ATP9A: variants seen among roughly 807,000 people sequenced by gnomAD.
The protein encoded by ATP9A is ATPase phospholipid transporting 9A.
A neutral mutation model predicts 144.1 loss-of-function variants in ATP9A; 52 were observed. The observed-to-expected ratio is 0.36, with a 90% CI of 0.29 to 0.45. The LOEUF (loss-of-function observed/expected upper bound fraction) is 0.45. Ranked by LOEUF, ATP9A falls within the 20% of genes least tolerant of loss-of-function variation. ATP9A has a pLI of 1.00. For missense variants in ATP9A, 947 were observed against 1,392.7 expected (o/e 0.68, Z 5.09); for synonymous variants, 582 against 557.4 (o/e 1.04, Z -0.62).
chr20:51,718,814 C>CAAAAAAAA lies in ATP9A; in HGVS notation c.328-5748_328-5741dup, dbSNP rs71192550. Among the ~76,000 whole-genome samples, 235 of 57,684 alleles carry CAAAAAAAA rather than the reference C, an allele frequency of 4.1e-3. 10 individuals are homozygous for CAAAAAAAA. Among genetic ancestry groups the CAAAAAAAA allele is most frequent in the African/African-American group, 5.1e-3 (57 of 11,238 alleles). 37.8% of individuals were successfully genotyped at this position (57,684 alleles called of 152,430 possible). ...TGGGCAACAGAGCAAGACTCCATCT[C>CAAAAAAAA]AAAAAAAAAAAAAAAAAAAAAAAAA... On this transcript the variant is annotated intron_variant, in intron 3 of 27. Coordinates refer to ENST00000338821, the MANE Select transcript of ATP9A (RefSeq NM_006045.3).
intron 1 of ATP9A, among the ~76,000 whole-genome samples, chr20:51,752,032 T>C (rs539864697): frequency 1.8e-4 from 26 of 144,786 alleles, no homozygotes; most frequent in Non-Finnish European, 3.1e-4. Context: ...ATTTTGTAGG[T>C]GGGCAAGGTA....
intron 4 of ATP9A, among the ~76,000 whole-genome samples, chr20:51,702,302 A>G (rs2077596908): frequency 6.6e-6 from 1 of 151,528 alleles, no homozygotes; most frequent in South Asian, 2.1e-4. Context: ...AAAAAAAAAA[A>G]AAAAAAAATT....
At chr20:51,666,781 G>A (rs1057435904) in intron 13 of ATP9A, among the ~76,000 whole-genome samples, 1 of 152,088 alleles carries the variant, frequency 6.6e-6, no homozygotes, top group African/African-American at 2.4e-5. Flanking sequence ...AGTGGGAGCA[G>A]GGGTGATGTG....
At chr20:51,738,513 T>C (rs2077771936) in intron 1 of ATP9A, among the ~76,000 whole-genome samples, 5 of 148,802 alleles carry the variant, frequency 3.4e-5, no homozygotes, top group Admixed American at 3.3e-4. Flanking sequence ...CGACCAGCCT[T>C]GCCAACGTGG....
chr20:51,668,999 A>G (rs1409159247), intron 13 of ATP9A, among the ~76,000 whole-genome samples: 1 of 152,184 alleles, frequency 6.6e-6, no homozygotes, highest in Non-Finnish European at 1.5e-5. Context: ...TCTTCTGACT[A>G]TGGGAATGTT....
chr20:51,739,737 T>C (rs1001017401), intron 1 of ATP9A, among the ~76,000 whole-genome samples: 6 of 152,186 alleles, frequency 3.9e-5, no homozygotes, highest in African/African-American at 1.4e-4. Flanking sequence ...CTGGATGTTC[T>C]GGACATGGTG....
chr20:51,767,917 G>T (rs2077912442), intron 1 of ATP9A, among the ~76,000 whole-genome samples: 1 of 152,184 alleles, frequency 6.6e-6, no homozygotes, highest in South Asian at 2.1e-4. Flanking sequence ...GTGTGACACT[G>T]ACCAAATTGT....
intron 16 of ATP9A, 78 bp from the exon 17 acceptor site, chr20:51,627,761 G>A: frequency 8.5e-7 from 1 of 1,177,284 alleles, no homozygotes; most frequent in South Asian, 1.3e-5. Context: ...GTGCCCAAGT[G>A]GATGTGCCCC....
chr20:51,646,161 A>T (rs1220754000), intron 14 of ATP9A, among the ~76,000 whole-genome samples: 8 of 152,176 alleles, frequency 5.3e-5, no homozygotes. Context: ...CATGTGAGGG[A>T]CTCAGGCCAG....
chr20:51,688,730 G>A (rs4809863), intron 9 of ATP9A, among the ~76,000 whole-genome samples: 29,903 of 151,982 alleles, frequency 0.2, 3,219 homozygotes, highest in African/African-American at 0.28. Flanking sequence ...GTCCCAGCGC[G>A]ACATACCCTA....
At chr20:51,655,369 C>T (rs749138987) in intron 14 of ATP9A, among the ~76,000 whole-genome samples, 10 of 152,156 alleles carry the variant, frequency 6.6e-5, no homozygotes, top group African/African-American at 9.7e-5. Context: ...CCGGGAAGAT[C>T]GTGCCACTGC....
chr20:51,710,291 G>A (rs1026096533), intron 4 of ATP9A, among the ~76,000 whole-genome samples: 4 of 147,642 alleles, frequency 2.7e-5, no homozygotes, highest in East Asian at 2.1e-4. Context: ...CAACAAGAGC[G>A]AAACTCCGTC....
rs372446167 is a variant in ATP9A at position 51,694,117 on chromosome 20, C to T, written c.548-15G>A. 1.2e-5 allele frequency: 19 copies of T among 1,610,554 alleles called. No individual in the cohort carries two copies. The African/African-American group carries it at 1.5e-4, about 12-fold the overall frequency. On this transcript the variant is annotated splice_polypyrimidine_tract_variant and intron_variant, in intron 6 of 27. Coordinates refer to ENST00000338821, the MANE Select transcript of ATP9A (RefSeq NM_006045.3). ...GAAGCATGACCCTGTGGAAGGAAGTCGGGTGCCGTCACCTGCACCTCAAGC... is the reference window on the plus strand; with the variant it reads ...GAAGCATGACCCTGTGGAAGGAAGTTGGGTGCCGTCACCTGCACCTCAAGC...
chr20:51,665,976 C>G (rs1347798757), intron 13 of ATP9A, among the ~76,000 whole-genome samples: 1 of 152,190 alleles, frequency 6.6e-6, no homozygotes, highest in Admixed American at 6.5e-5. Context: ...GCCTACATTT[C>G]AACACTGGGA....
At chr20:51,623,602 GA>G (rs1174691632) in intron 18 of ATP9A, among the ~76,000 whole-genome samples, 1 of 152,020 alleles carries the variant, frequency 6.6e-6, no homozygotes, top group African/African-American at 2.4e-5. Context: ...CCAACATGGA[GA>G]AAACCCATCT....
chr20:51,612,552 G>A (rs2077188711), intron 23 of ATP9A, among the ~76,000 whole-genome samples: 1 of 152,120 alleles, frequency 6.6e-6, no homozygotes, highest in Admixed American at 6.5e-5. Context: ...AGCCTCCCAA[G>A]TAGCTGGGAT....
chr20:51,684,846 T>C (rs193227091), intron 9 of ATP9A, among the ~76,000 whole-genome samples: 3 of 149,634 alleles, frequency 2.0e-5, no homozygotes, highest in African/African-American at 2.5e-5. Flanking sequence ...CCGTCTCTAC[T>C]AAAAACACAA....
intron 1 of ATP9A, among the ~76,000 whole-genome samples, chr20:51,743,551 C>T (rs2122892251): frequency 6.6e-6 from 1 of 150,880 alleles, no homozygotes; most frequent in South Asian, 2.1e-4. Context: ...AGGCGTGCAC[C>T]ACCACGCCAG....
intron 25 of ATP9A, among the ~76,000 whole-genome samples, chr20:51,608,222 T>C (rs892806566): frequency 6.6e-6 from 1 of 152,190 alleles, no homozygotes; most frequent in Admixed American, 6.5e-5. Context: ...AAGTTGCAAC[T>C]GCAAAGCGGA....
Sources: allele counts gnomAD v4.1 joint callset (sites outside exome capture counted in the v4.1 genomes callset), GRCh38; gene constraint gnomAD v4.1.1; transcripts MANE v1.5; gene names NCBI Gene and HGNC (gene_info 2026-07-23, HGNC 2026-07-21).